Variants in OR7A5 observed in about 807,000 individuals in gnomAD.
OR7A5 encodes olfactory receptor 7A5.
For missense variants in OR7A5, 319 were observed against 377.9 expected (o/e 0.84, Z 1.29); for synonymous variants, 140 against 146.7 (o/e 0.95, Z 0.33).
Position 14,827,965 on chromosome 19 carries a change from T to C in OR7A5, c.277A>G (p.Thr93Ala), listed in dbSNP as rs769684393. Reference sequence around the variant, plus strand: ...ATCTGCATGAGGCAGGCTATGTAGGTGATGACTTTGTTCTGTGTCTGGATG... The same window carrying C: ...ATCTGCATGAGGCAGGCTATGTAGGCGATGACTTTGTTCTGTGTCTGGATG... The part of the protein sequence containing the change: ...MNIQTQNKVI[T>A]YIACLMQMYF... Residue 93 changes from threonine to alanine, a missense_variant, in exon 2 of 2, where the codon ACC (threonine) becomes GCC (alanine). Physicochemically the swap from Thr to Ala is moderately conservative, Grantham distance 58. Coordinates refer to ENST00000322301, the MANE Select transcript of OR7A5 (RefSeq NM_017506.2). 3.5e-5 allele frequency: 57 copies of C among 1,614,002 alleles called. No individual in the cohort carries two copies. Among genetic ancestry groups the C allele is most frequent in the Admixed American group, 1.0e-4 (6 of 59,990 alleles).
rs1285592452 is a variant in OR7A5, at chr19:14,828,022, T to C, written c.220A>G (p.Thr74Ala). The change falls in exon 2 of 2, where the codon ACT (threonine) becomes GCT (alanine). Residue 74 changes from threonine (T) to alanine (A), a missense_variant. Transcript: ENST00000322301. Reference sequence around the variant, plus strand: ...AGCATTTTTGGAATGGTGGTGGAAGTAACACAAATGTCAGCAAAGGACAGG... The same window carrying C: ...AGCATTTTTGGAATGGTGGTGGAAGCAACACAAATGTCAGCAAAGGACAGG... ...SNLSFADICVTSTTIPKMLMN... is the reference protein window; with the variant it reads ...SNLSFADICVASTTIPKMLMN... 6.2e-7 allele frequency: 1 copy of C among 1,614,174 alleles called. No homozygotes were observed. The highest frequency in any genetic ancestry group is 2.2e-5 in the East Asian group (1 of 44,880).
chr19:14,829,807 C>T (rs145770616), intron 1 of OR7A5, among the ~76,000 whole-genome samples: 377 of 152,252 alleles, frequency 2.5e-3, no homozygotes, highest in Non-Finnish European at 4.2e-3. Context: ...GAGGCCAGGT[C>T]CCTCTTGCTC....
intron 1 of OR7A5, among the ~76,000 whole-genome samples, chr19:14,832,196 C>T (rs1440494821): frequency 6.6e-6 from 1 of 152,120 alleles, no homozygotes; most frequent in African/African-American, 2.4e-5. Context: ...AGGCATGAGT[C>T]ACCTCGCTTG....
intron 1 of OR7A5, among the ~76,000 whole-genome samples, chr19:14,833,488 G>A (rs997328624): frequency 6.6e-6 from 1 of 152,238 alleles, no homozygotes; most frequent in Non-Finnish European, 1.5e-5. Context: ...CAAAAAAAAA[G>A]TAAACAATGC....
rs867489243 is a variant in OR7A5 at position 14,831,699 on chromosome 19, T to C, written c.-14+3375A>G. Among the ~76,000 whole-genome samples, 6 of 152,192 alleles carry C rather than the reference T, an allele frequency of 3.9e-5. No individual in the cohort carries two copies. In the South Asian group the frequency reaches 1.0e-3, roughly 26 times the overall value. ...ACCTCGTGATCCGCCTGCCTCGGCC[T>C]CCCAAAGTGCTGGGATTACAGGCGT... On this transcript the variant is annotated intron_variant, in intron 1 of 1. Coordinates refer to ENST00000322301, the MANE Select transcript of OR7A5 (RefSeq NM_017506.2).
intron 1 of OR7A5, among the ~76,000 whole-genome samples, chr19:14,831,365 T>C (rs931135500): frequency 1.3e-5 from 2 of 152,240 alleles, no homozygotes; most frequent in Non-Finnish European, 2.9e-5. Context: ...AATTGGTTTT[T>C]ATATGAATTG....
At chr19:14,830,385 A>C (rs1568254734) in intron 1 of OR7A5, among the ~76,000 whole-genome samples, 1 of 152,176 alleles carries the variant, frequency 6.6e-6, no homozygotes, top group Non-Finnish European at 1.5e-5. Context: ...AAACTCAGGT[A>C]ATCCCTCAGC....
intron 1 of OR7A5, among the ~76,000 whole-genome samples, chr19:14,830,047 G>C (rs1180551924): frequency 1.3e-5 from 2 of 152,082 alleles, no homozygotes; most frequent in African/African-American, 2.4e-5. Flanking sequence ...ATTTTTTGTG[G>C]AGACCAGGTC....
At chr19:14,831,362 T>G (rs1346286844) in intron 1 of OR7A5, among the ~76,000 whole-genome samples, 1 of 152,198 alleles carries the variant, frequency 6.6e-6, no homozygotes, top group Admixed American at 6.5e-5. Flanking sequence ...ATCAATTGGT[T>G]TTTATATGAA....
chr19:14,828,758 CAAAAAAAAAAAAAAAA>C (rs58983718), intron 1 of OR7A5, among the ~76,000 whole-genome samples: 1 of 35,138 alleles, frequency 2.8e-5, no homozygotes, highest in Non-Finnish European at 5.2e-5. Context: ...GACTCCATCT[CAAAAAAAAAAAAAAAA>C]AAAAAAAAAA....
chr19:14,832,788 TA>T (rs1446273464), intron 1 of OR7A5, among the ~76,000 whole-genome samples: 2 of 152,118 alleles, frequency 1.3e-5, no homozygotes, highest in Admixed American at 6.6e-5. Context: ...ATTATAAAAT[TA>T]GAAAGAATGG....
chr19:14,833,515 G>A (rs1421279777), intron 1 of OR7A5, among the ~76,000 whole-genome samples: 3 of 152,142 alleles, frequency 2.0e-5, no homozygotes, highest in Non-Finnish European at 1.5e-5. Context: ...CATGAAAACA[G>A]GGAAACTACA....
chr19:14,827,725 C>T lies in OR7A5; in HGVS notation c.517G>A (p.Glu173Lys), dbSNP rs56284724. 2.5e-3 allele frequency: 4,048 copies of T among 1,614,088 alleles called. 83 individuals are homozygous for T. In the African/African-American group the frequency reaches 0.047, roughly 19 times the overall value. The change falls in exon 2 of 2, where the codon GAA becomes AAA. Residue 173 changes from glutamate to lysine, a missense_variant. Glu to Lys is a moderately conservative substitution (Grantham distance 56). Coordinates refer to ENST00000322301, the MANE Select transcript of OR7A5 (RefSeq NM_017506.2). ...VVRLSFCTAL[E>K]IPHFFCELNQ... The stretch of plus-strand genomic sequence containing the variant: ...AGTTCACAGAAAAAGTGGGGGATTT[C>T]TAAGGCTGTGCAGAAGGACAGCCGT...
chr19:14,828,372 C>G, intron 1 of OR7A5, 118 bp from the exon 2 acceptor site: 1 of 1,088,564 alleles, frequency 9.2e-7, no homozygotes, highest in Non-Finnish European at 1.3e-6. Context: ...GTGTATGAAT[C>G]TGGTTCTCTT....
chr19:14,827,916 C>T lies in OR7A5; in HGVS notation c.326G>A (p.Gly109Glu), dbSNP rs151164893. The change falls in exon 2 of 2, where the codon GGA (glycine) becomes GAA (glutamate). Residue 109 changes from glycine to glutamate, a missense_variant. Transcript: ENST00000322301. ...CACGGACAGGAGGAAGTTTTCAAAT[C>T]CAGCAAAGAGTATGAAAAAATACAT... is the stretch of plus-strand genomic sequence containing the variant. ...MQMYFFILFA[G>E]FENFLLSVMA... The T allele has an allele frequency of 4.9e-3, 7,868 of 1,614,156 alleles. 28 individuals are homozygous for T. Among genetic ancestry groups the T allele is most frequent in the Non-Finnish European group, 5.5e-3 (6,512 of 1,180,026 alleles).
At position 14,831,269 on chromosome 19, in the gene OR7A5, TACAA is replaced by T. The variant is rs1237280595; in HGVS notation, c.-13-3019_-13-3016del. 9.2e-5 allele frequency among the ~76,000 whole-genome samples: 14 copies of T among 152,192 alleles called. No individual in the cohort carries two copies. In the South Asian group the frequency reaches 2.7e-3, roughly 29 times the overall value. ...AGCCAACAATTCACAAAAAGAAACA[TACAA>T]ACAATGACAAGATTTGGGCATTTTT... is the stretch of plus-strand genomic sequence containing the variant. On this transcript the variant is annotated intron_variant, in intron 1 of 1. Coordinates refer to ENST00000322301, the MANE Select transcript of OR7A5 (RefSeq NM_017506.2).
chr19:14,833,667 T>C (rs543572769), intron 1 of OR7A5, among the ~76,000 whole-genome samples: 2 of 152,264 alleles, frequency 1.3e-5, no homozygotes, highest in Admixed American at 1.3e-4. Flanking sequence ...AAAAGAATCA[T>C]TGAAAAAAAT....
chr19:14,833,854 T>C (rs2044858060), intron 1 of OR7A5, among the ~76,000 whole-genome samples: 2 of 152,190 alleles, frequency 1.3e-5, no homozygotes, highest in South Asian at 2.1e-4. Context: ...TCAGCTGTCA[T>C]AGATTTGTGT....
At position 14,826,834 on chromosome 19, in the gene OR7A5, A is replaced by G. The variant is rs577991150; in HGVS notation, c.*448T>C. Reference sequence around the variant, plus strand: ...CTCATGACCAGCTGCAAAATACACAAGTATGTTCAGGTCTACATTATCAGG... The same window carrying G: ...CTCATGACCAGCTGCAAAATACACAGGTATGTTCAGGTCTACATTATCAGG... On this transcript the variant is annotated 3_prime_UTR_variant, in exon 2 of 2. Coordinates refer to ENST00000322301, the MANE Select transcript of OR7A5 (RefSeq NM_017506.2). 1.3e-5 allele frequency: 2 copies of G among 154,234 alleles called. No homozygotes were observed. The highest frequency in any genetic ancestry group is 3.8e-4 in the East Asian group (2 of 5,214). 9.6% of individuals were successfully genotyped at this position (154,234 alleles called of 1,614,324 possible). A position where few individuals can be genotyped will look rare whatever the true frequency, so the allele number is the denominator to read the frequency against.
Sources: allele counts gnomAD v4.1 joint callset (sites outside exome capture counted in the v4.1 genomes callset), GRCh38; gene constraint gnomAD v4.1.1; transcripts MANE v1.5; gene names NCBI Gene and HGNC (gene_info 2026-07-23, HGNC 2026-07-21).